The following TMEM232 variants were observed in gnomAD, a reference collection of about 807,000 sequenced individuals.
The protein encoded by TMEM232 is transmembrane protein 232.
Under a neutral mutation model 78.8 loss-of-function variants are expected in TMEM232, and 80 were observed. The ratio of observed to expected loss-of-function variants is 1.01; its 90% confidence interval spans 0.85 to 1.22. The LOEUF (loss-of-function observed/expected upper bound fraction) is 1.22, where lower values mean the gene tolerates loss of function less well. Among genes scored for constraint, TMEM232 ranks in the 50% most tolerant of loss-of-function variants. TMEM232 has a pLI of 0.00. For missense variants in TMEM232, 881 were observed against 742.2 expected, an observed-to-expected ratio of 1.19 and a Z score of -2.17; for synonymous variants, 297 against 254.3, an observed-to-expected ratio of 1.17 and a Z score of -1.60.
At chr5:110,444,680 A>C (rs1244374945) in intron 12 of TMEM232, among the ~76,000 whole-genome samples, 1 of 152,168 alleles carries the variant, frequency 6.6e-6, no homozygotes, top group Admixed American at 6.5e-5. Flanking sequence ...CATTTGTTAC[A>C]TAGCATTGGA....
At chr5:110,735,290 C>A (rs1030033541) in intron 1 of TMEM232, among the ~76,000 whole-genome samples, 1 of 152,192 alleles carries the variant, frequency 6.6e-6, no homozygotes, top group African/African-American at 2.4e-5. Flanking sequence ...TTGAAACAAT[C>A]TGCAACTTTT....
At chr5:110,484,770 T>G (rs1223091104) in intron 12 of TMEM232, among the ~76,000 whole-genome samples, 3 of 152,068 alleles carry the variant, frequency 2.0e-5, no homozygotes, top group Non-Finnish European at 2.9e-5. Context: ...GTGTTATATA[T>G]TCTCATAAAA....
intron 12 of TMEM232, among the ~76,000 whole-genome samples, chr5:110,523,714 A>G (rs1769908109): frequency 6.6e-6 from 1 of 151,934 alleles, no homozygotes; most frequent in African/African-American, 2.4e-5. Flanking sequence ...GCAGTTTGGG[A>G]GGTAAAAGGA....
In TMEM232 at chr5:110,432,176, T is replaced by C. The variant is rs185452344; in HGVS notation, c.1704-7260A>G. Among the ~76,000 whole-genome samples the C allele has an allele frequency of 6.7e-3, 1,016 of 151,480 alleles. 6 individuals are homozygous for C. The highest frequency in any genetic ancestry group is 8.8e-3 in the Non-Finnish European group (597 of 67,672). Reference sequence around the variant, plus strand: ...ATAAGGTCACCATCCCCATGGCAAATAGTCAACAGATTATCCAAAGTCAAT... The same window carrying C: ...ATAAGGTCACCATCCCCATGGCAAACAGTCAACAGATTATCCAAAGTCAAT... On this transcript the variant is annotated intron_variant, in intron 12 of 13. Coordinates refer to ENST00000455884, the MANE Select transcript of TMEM232 (RefSeq NM_001039763.4).
intron 10 of TMEM232, among the ~76,000 whole-genome samples, chr5:110,595,599 A>G (rs1156959107): frequency 6.6e-6 from 1 of 152,216 alleles, no homozygotes; most frequent in African/African-American, 2.4e-5. Flanking sequence ...ATGGAGCTGA[A>G]AAACACAGCA....
chr5:110,722,316 G>C (rs1797727095), intron 1 of TMEM232, among the ~76,000 whole-genome samples: 1 of 152,080 alleles, frequency 6.6e-6, no homozygotes, highest in South Asian at 2.1e-4. Flanking sequence ...TTTGTTAGTG[G>C]CATGGCTGGG....
intron 12 of TMEM232, among the ~76,000 whole-genome samples, chr5:110,496,084 TAA>T (rs1179632974): frequency 2.0e-5 from 3 of 151,882 alleles, no homozygotes; most frequent in African/African-American, 7.2e-5. Flanking sequence ...AAAATTATAA[TAA>T]AAATTTTCAC....
At chr5:110,671,283 G>T (rs1791318363) in intron 1 of TMEM232, among the ~76,000 whole-genome samples, 1 of 152,214 alleles carries the variant, frequency 6.6e-6, no homozygotes, top group East Asian at 1.9e-4. Flanking sequence ...AAATAGAAAT[G>T]CTTTTACCCG....
intron 1 of TMEM232, among the ~76,000 whole-genome samples, chr5:110,680,917 T>G (rs1213049186): frequency 6.6e-6 from 1 of 151,220 alleles, no homozygotes; most frequent in Non-Finnish European, 1.5e-5. Context: ...GGGGTATGGG[T>G]AGGGGTAGAG....
In TMEM232 at chr5:110,442,480, T is replaced by C. The variant is rs189683340; in HGVS notation, c.1704-17564A>G. 6.6e-5 allele frequency among the ~76,000 whole-genome samples: 10 copies of C among 152,196 alleles called. No individual in the cohort carries two copies. The East Asian group carries it at 1.9e-3, about 30-fold the overall frequency. Reference sequence around the variant, plus strand: ...CTCTGCTTGATTTAAAAAAATAATTTCAATCTTTTTGTTAAACTTATCTGA... The same window carrying C: ...CTCTGCTTGATTTAAAAAAATAATTCCAATCTTTTTGTTAAACTTATCTGA... On this transcript the variant is annotated intron_variant, in intron 12 of 13. Coordinates refer to ENST00000455884, the MANE Select transcript of TMEM232 (RefSeq NM_001039763.4).
intron 12 of TMEM232, among the ~76,000 whole-genome samples, chr5:110,500,205 T>A (rs1766095672): frequency 6.9e-6 from 1 of 144,234 alleles, no homozygotes; most frequent in East Asian, 2.0e-4. Flanking sequence ...GGCAGAAGAA[T>A]CATTTGAACA....
chr5:110,417,528 G>T (rs1756269495), downstream of TMEM232: 1 of 151,114 alleles, frequency 6.6e-6, no homozygotes, highest in Non-Finnish European at 1.5e-5. Context: ...GAAGAATTAA[G>T]AATTAGTTAT....
At chr5:110,727,852 CAA>C (rs1263546707), upstream of TMEM232, among the ~76,000 whole-genome samples, 1 of 152,090 alleles carries the variant, frequency 6.6e-6, no homozygotes, top group Non-Finnish European at 1.5e-5. Context: ...GTGAAATTGA[CAA>C]AGACTATAAA....
intron 10 of TMEM232, among the ~76,000 whole-genome samples, chr5:110,602,317 G>GAAACTAAAGTTT (rs1781014280): frequency 6.6e-6 from 1 of 152,116 alleles, no homozygotes; most frequent in Non-Finnish European, 1.5e-5. Flanking sequence ...AAACTAAAGA[G>GAAACTAAAGTTT]CTTCTGCACG....
chr5:110,435,971 A>G (rs78985892), intron 12 of TMEM232, among the ~76,000 whole-genome samples: 5,308 of 152,078 alleles, frequency 0.035, 206 homozygotes, highest in African/African-American at 0.1. Flanking sequence ...TTGAGTATAT[A>G]TCCAAAGTGA....
chr5:110,497,363 G>C (rs1765755595), intron 12 of TMEM232, among the ~76,000 whole-genome samples: 1 of 152,088 alleles, frequency 6.6e-6, no homozygotes, highest in Non-Finnish European at 1.5e-5. Context: ...GCTTTGTGGA[G>C]ACATGGAACT....
intron 2 of TMEM232, among the ~76,000 whole-genome samples, chr5:110,661,416 AC>A (rs59706915): frequency 0.39 from 59,307 of 150,810 alleles, 16,035 homozygotes; most frequent in African/African-American, 0.77. Context: ...GTCTCAAGTA[AC>A]CCCCCCCACC....
chr5:110,395,168 G>C (rs1755338402), intron 3 of TMEM232, among the ~76,000 whole-genome samples: 3 of 152,174 alleles, frequency 2.0e-5, no homozygotes, highest in South Asian at 2.1e-4. Context: ...AATGCACTAA[G>C]AGCATCAGAT....
Position 110,619,887 on chromosome 5 carries a change from G to A in TMEM232, c.769-1325C>T, listed in dbSNP as rs140259230. On this transcript the variant is annotated intron_variant, in intron 7 of 13. Coordinates refer to ENST00000455884, the MANE Select transcript of TMEM232 (RefSeq NM_001039763.4). ...CATATGTAACAAACCTGCATGTTGT[G>A]CACATGTACCCTAGAACTTAAAGCA... is the stretch of plus-strand genomic sequence containing the variant. 4.5e-4 allele frequency among the ~76,000 whole-genome samples: 68 copies of A among 151,782 alleles called. No individual in the cohort carries two copies. The East Asian group carries it at 0.011, about 25-fold the overall frequency.
Sources: gnomAD v4.1 joint callset for allele counts (sites outside exome capture counted in the v4.1 genomes callset) on GRCh38, gnomAD v4.1.1 for gene constraint, MANE v1.5 for transcripts, NCBI Gene and HGNC (gene_info 2026-07-23, HGNC 2026-07-21) for gene names.